The following OGDH variants were observed in gnomAD, a reference collection of about 807,000 sequenced individuals.
OGDH encodes 2-oxoglutarate dehydrogenase complex component E1.
A neutral mutation model predicts 116.6 loss-of-function variants in OGDH; 38 were observed. The observed-to-expected ratio is 0.33, with a 90% confidence interval of 0.25 to 0.43. The LOEUF is 0.43. Among genes scored for constraint, OGDH ranks in the 20% least tolerant of loss-of-function variants. The pLI, the probability that OGDH is intolerant of heterozygous loss-of-function variation, is 1.00. For missense variants in OGDH, 825 were observed against 1,357.2 expected (o/e 0.61, Z 6.16); for synonymous variants, 488 against 533.3 (o/e 0.92, Z 1.17).
rs1784464642 is a variant in OGDH at position 44,609,097 on chromosome 7, A to T, written c.-28+2444A>T. Among the ~76,000 whole-genome samples the T allele has an allele frequency of 2.0e-5, 3 of 152,110 alleles. No individual in the cohort carries two copies. In the South Asian group the frequency reaches 6.2e-4, roughly 32 times the overall value. On this transcript the variant is annotated intron_variant, in intron 1 of 22. Coordinates refer to ENST00000222673, the MANE Select transcript of OGDH (RefSeq NM_002541.4). The stretch of plus-strand genomic sequence containing the variant: ...CCACTAATCTGTTCTTCATTTCCCT[A>T]ATTTTGGCATGTCAAGAATGCCAAA...
chr7:44,648,981 C>T (rs551366314), intron 4 of OGDH, among the ~76,000 whole-genome samples: 1 of 152,206 alleles, frequency 6.6e-6, no homozygotes, highest in South Asian at 2.1e-4. Context: ...CCCTACTGCT[C>T]ACCCCTTAGT....
intron 4 of OGDH, among the ~76,000 whole-genome samples, chr7:44,664,340 T>A (rs1050873752): frequency 6.6e-6 from 1 of 152,212 alleles, no homozygotes; most frequent in Non-Finnish European, 1.5e-5. Flanking sequence ...GGGCCTTCGC[T>A]GAAACCTCTG....
chr7:44,606,878 C>T (rs979950420), intron 1 of OGDH, among the ~76,000 whole-genome samples: 4 of 152,052 alleles, frequency 2.6e-5, no homozygotes, highest in Non-Finnish European at 5.9e-5. Context: ...GGGGCCTGCC[C>T]GGCGGGCGGA....
At chr7:44,687,722 C>T (rs923480312) in intron 10 of OGDH, among the ~76,000 whole-genome samples, 1 of 152,178 alleles carries the variant, frequency 6.6e-6, no homozygotes. Flanking sequence ...CCACACCCGC[C>T]TGCTCAACTT....
chr7:44,669,952 G>A (rs1787362952), intron 5 of OGDH, among the ~76,000 whole-genome samples: 1 of 152,298 alleles, frequency 6.6e-6, no homozygotes, highest in Admixed American at 6.5e-5. Flanking sequence ...ATCACGTGAT[G>A]TGGTGGTCAA....
intron 10 of OGDH, among the ~76,000 whole-genome samples, chr7:44,691,078 A>G (rs1410038672): frequency 3.9e-5 from 6 of 152,132 alleles, no homozygotes; most frequent in Non-Finnish European, 8.8e-5. Context: ...GCTTTGACTC[A>G]TTGCTCATGA....
chr7:44,671,025 A>G (rs987024636), intron 5 of OGDH, among the ~76,000 whole-genome samples: 5 of 151,340 alleles, frequency 3.3e-5, no homozygotes, highest in Admixed American at 6.6e-5. Flanking sequence ...AAAAAAAAAA[A>G]AAAGAAAAGA....
At chr7:44,674,292 AC>A (rs1787595759) in intron 6 of OGDH, 118 bp from the exon 7 acceptor site, 2 of 1,247,002 alleles carry the variant, frequency 1.6e-6, no homozygotes, top group Non-Finnish European at 2.3e-6. Flanking sequence ...TGATCTGCCC[AC>A]CTCGGCCTCC....
At chr7:44,612,626 A>G (rs1171596127) in intron 1 of OGDH, among the ~76,000 whole-genome samples, 1 of 151,274 alleles carries the variant, frequency 6.6e-6, no homozygotes, top group Non-Finnish European at 1.5e-5. Flanking sequence ...CTCATGATCC[A>G]CTCGCCTCGG....
At chr7:44,667,573 A>G (rs1439681209) in intron 5 of OGDH, among the ~76,000 whole-genome samples, 1 of 152,076 alleles carries the variant, frequency 6.6e-6, no homozygotes, top group Non-Finnish European at 1.5e-5. Context: ...CCTGCCAGGA[A>G]ATTCTTTCAT....
At chr7:44,622,102 T>C (rs934952681) in intron 1 of OGDH, among the ~76,000 whole-genome samples, 3 of 152,196 alleles carry the variant, frequency 2.0e-5, no homozygotes, top group Admixed American at 2.0e-4. Context: ...GGTGATGCTA[T>C]TGTTTTCTGG....
At chr7:44,670,543 CT>C (rs1418133567) in intron 5 of OGDH, among the ~76,000 whole-genome samples, 3 of 152,140 alleles carry the variant, frequency 2.0e-5, no homozygotes, top group Admixed American at 6.6e-5. Context: ...GTTTCTTCTG[CT>C]GGTCAGTACC....
intron 10 of OGDH, among the ~76,000 whole-genome samples, chr7:44,691,041 T>C (rs1788342295): frequency 6.6e-6 from 1 of 152,218 alleles, no homozygotes; most frequent in Non-Finnish European, 1.5e-5. Flanking sequence ...AGTTAGATTT[T>C]GCTAATATTT....
intron 2 of OGDH, among the ~76,000 whole-genome samples, chr7:44,639,179 C>T (rs1785808827): frequency 6.6e-6 from 1 of 152,154 alleles, no homozygotes; most frequent in Non-Finnish European, 1.5e-5. Context: ...TTATGGAAGG[C>T]AGATCCAGAT....
intron 10 of OGDH, among the ~76,000 whole-genome samples, chr7:44,689,464 C>T (rs1431158731): frequency 2.5e-5 from 3 of 121,764 alleles, no homozygotes; most frequent in African/African-American, 9.7e-5. Flanking sequence ...GTCTTGAACT[C>T]TTGACCTCAA....
chr7:44,660,900 C>T (rs1241256079), intron 4 of OGDH, among the ~76,000 whole-genome samples: 2 of 152,090 alleles, frequency 1.3e-5, no homozygotes, highest in Non-Finnish European at 2.9e-5. Flanking sequence ...TATACTCTGG[C>T]CTGGGTGACC....
chr7:44,691,306 T>A (rs1244996652), intron 10 of OGDH, among the ~76,000 whole-genome samples: 1 of 152,068 alleles, frequency 6.6e-6, no homozygotes, highest in Non-Finnish European at 1.5e-5. Flanking sequence ...AGAGGATTGC[T>A]TGAGCTCAGG....
At chr7:44,659,133 C>T (rs1008055596) in intron 4 of OGDH, among the ~76,000 whole-genome samples, 11 of 152,242 alleles carry the variant, frequency 7.2e-5, no homozygotes, top group South Asian at 2.1e-4. Flanking sequence ...CCACCACCCC[C>T]GGCCGATTTT....
chr7:44,608,261 T>TG (rs1784431812), intron 1 of OGDH, among the ~76,000 whole-genome samples: 1 of 152,012 alleles, frequency 6.6e-6, no homozygotes, highest in African/African-American at 2.4e-5. Flanking sequence ...TATCCGGATA[T>TG]GGTGGCATAT....
Sources: allele counts gnomAD v4.1 joint callset (sites outside exome capture counted in the v4.1 genomes callset), GRCh38; gene constraint gnomAD v4.1.1; transcripts MANE v1.5; gene names NCBI Gene and HGNC (gene_info 2026-07-23, HGNC 2026-07-21).